SPACA7: variants seen among roughly 807,000 people sequenced by gnomAD.
The protein encoded by SPACA7 is sperm acrosome-associated protein 7.
Under a neutral mutation model 26.3 loss-of-function variants are expected in SPACA7, and 19 were observed. That is an observed-to-expected ratio of 0.72 (90% CI 0.50 to 1.06). The LOEUF (loss-of-function observed/expected upper bound fraction) is 1.06. Among genes scored for constraint, SPACA7 ranks in the 50% least tolerant of loss-of-function variants. The pLI is 0.00. For synonymous variants in SPACA7, 84 were observed against 84.5 expected (o/e 0.99, Z 0.04); for missense variants, 211 against 229.9 (o/e 0.92, Z 0.53).
At chr13:112,423,084 T>C (rs926809900) in intron 5 of SPACA7, among the ~76,000 whole-genome samples, 1 of 152,186 alleles carries the variant, frequency 6.6e-6, no homozygotes, top group African/African-American at 2.4e-5. Flanking sequence ...AAAAACAGAA[T>C]GCTATAAATA....
intron 5 of SPACA7, among the ~76,000 whole-genome samples, chr13:112,428,644 G>T (rs1261900497): frequency 6.6e-6 from 1 of 152,102 alleles, no homozygotes; most frequent in Non-Finnish European, 1.5e-5. Context: ...ATATTTGGAG[G>T]TTTTTTCCAG....
At chr13:112,397,956 A>G in intron 2 of SPACA7, 93 bp from the exon 3 acceptor site, 1 of 706,090 alleles carries the variant, frequency 1.4e-6, no homozygotes. Context: ...CTGTGTGTAC[A>G]TTCACTGTGT....
chr13:112,384,039 A>C (rs1884377522), intron 1 of SPACA7, among the ~76,000 whole-genome samples: 1 of 152,230 alleles, frequency 6.6e-6, no homozygotes, highest in South Asian at 2.1e-4. Flanking sequence ...TTAAAGAAAT[A>C]AGTTATCTTG....
chr13:112,416,039 C>G (rs1029456398), intron 5 of SPACA7, among the ~76,000 whole-genome samples: 5 of 151,980 alleles, frequency 3.3e-5, no homozygotes, highest in Non-Finnish European at 7.4e-5. Flanking sequence ...CTGCACTGTG[C>G]TGCTTGGTGT....
intron 4 of SPACA7, among the ~76,000 whole-genome samples, chr13:112,400,198 G>C (rs1412186023): frequency 1.3e-5 from 2 of 152,180 alleles, no homozygotes; most frequent in Non-Finnish European, 2.9e-5. Context: ...TTCTGTAGGA[G>C]CCCAGGAATC....
chr13:112,394,422 C>T (rs527247314), intron 2 of SPACA7, among the ~76,000 whole-genome samples: 1 of 151,676 alleles, frequency 6.6e-6, no homozygotes, highest in Non-Finnish European at 1.5e-5. Context: ...TGCACGGCCT[C>T]GAACAGGGGC....
chr13:112,399,018 G>T, intron 3 of SPACA7, 48 bp from the exon 4 acceptor site: 1 of 1,143,424 alleles, frequency 8.7e-7, no homozygotes, highest in Non-Finnish European at 1.3e-6. Flanking sequence ...TTATACCTGT[G>T]TAATCAAGAA....
At chr13:112,432,842 A>C (rs1877297505) in intron 6 of SPACA7, among the ~76,000 whole-genome samples, 1 of 152,158 alleles carries the variant, frequency 6.6e-6, no homozygotes, top group African/African-American at 2.4e-5. Flanking sequence ...CAAGGGTCTC[A>C]ACCACGTGAT....
At chr13:112,407,935 A>G (rs563012635) in intron 5 of SPACA7, among the ~76,000 whole-genome samples, 1 of 152,338 alleles carries the variant, frequency 6.6e-6, no homozygotes, top group South Asian at 2.1e-4. Context: ...ATTTTAGACC[A>G]ATATCCCTGA....
chr13:112,409,357 T>G (rs1886197399), intron 5 of SPACA7, among the ~76,000 whole-genome samples: 1 of 152,006 alleles, frequency 6.6e-6, no homozygotes, highest in African/African-American at 2.4e-5. Context: ...AAGCCAAAAT[T>G]GACAAATGGG....
intron 1 of SPACA7, among the ~76,000 whole-genome samples, chr13:112,392,497 G>A (rs536877046): frequency 3.3e-4 from 50 of 152,288 alleles, no homozygotes; most frequent in African/African-American, 1.2e-3. Context: ...CTAAAACAGA[G>A]CCATGAAGCC....
At chr13:112,429,189 C>A (rs996533779) in intron 5 of SPACA7, among the ~76,000 whole-genome samples, 1 of 152,044 alleles carries the variant, frequency 6.6e-6, no homozygotes, top group African/African-American at 2.4e-5. Context: ...CCAGCCTGGG[C>A]AACATAGCAA....
At chr13:112,386,204 G>C (rs1157765346) in intron 1 of SPACA7, among the ~76,000 whole-genome samples, 2 of 152,282 alleles carry the variant, frequency 1.3e-5, no homozygotes, top group South Asian at 2.1e-4. Context: ...AGTGGGGGTG[G>C]GGATGTTTCC....
intron 5 of SPACA7, among the ~76,000 whole-genome samples, chr13:112,402,384 C>T (rs1885702585): frequency 6.9e-6 from 1 of 144,754 alleles, no homozygotes; most frequent in Admixed American, 6.9e-5. Flanking sequence ...TAATTTTATC[C>T]TGCTATCTTA....
intron 1 of SPACA7, among the ~76,000 whole-genome samples, chr13:112,388,187 T>C (rs571119071): frequency 2.0e-5 from 3 of 152,232 alleles, no homozygotes; most frequent in African/African-American, 7.2e-5. Flanking sequence ...GATCCCCAAC[T>C]AAGAACTCCA....
intron 1 of SPACA7, among the ~76,000 whole-genome samples, chr13:112,383,139 AAG>A (rs1566453295): frequency 1.7e-4 from 9 of 52,262 alleles, no homozygotes; most frequent in African/African-American, 5.7e-4. Flanking sequence ...GAAAGAAAGA[AAG>A]AAAGAAAGAA....
intron 5 of SPACA7, among the ~76,000 whole-genome samples, chr13:112,418,632 A>C (rs1359885660): frequency 6.6e-6 from 1 of 152,204 alleles, no homozygotes; most frequent in Non-Finnish European, 1.5e-5. Flanking sequence ...GTAAAGAATG[A>C]TTCCCTTAAT....
At chr13:112,425,808 G>A (rs1876485651) in intron 5 of SPACA7, among the ~76,000 whole-genome samples, 3 of 152,140 alleles carry the variant, frequency 2.0e-5, no homozygotes, top group African/African-American at 7.2e-5. Context: ...GAGATGCAAA[G>A]CACCCTCTGC....
intron 4 of SPACA7, among the ~76,000 whole-genome samples, chr13:112,399,542 G>A (rs997109802): frequency 6.6e-6 from 1 of 152,244 alleles, no homozygotes; most frequent in Non-Finnish European, 1.5e-5. Flanking sequence ...GAGCCAGAGT[G>A]CCCCCAGGGG....
Sources: gnomAD v4.1 joint callset for allele counts (sites outside exome capture counted in the v4.1 genomes callset) on GRCh38, gnomAD v4.1.1 for gene constraint, MANE v1.5 for transcripts, NCBI Gene and HGNC (gene_info 2026-07-23, HGNC 2026-07-21) for gene names.